The following PSPC1 variants were observed in gnomAD, a reference collection of about 807,000 sequenced individuals.
PSPC1 encodes paraspeckle protein 1.
In PSPC1, 14 loss-of-function variants were observed where a neutral mutation model predicts 51.6. That is an observed-to-expected ratio of 0.27 (90% CI 0.18 to 0.42). The LOEUF is 0.42. Among genes scored for constraint, PSPC1 ranks in the 10% least tolerant of loss-of-function variants. PSPC1 has a pLI of 1.00. For synonymous variants in PSPC1, 193 were observed against 231.9 expected, an observed-to-expected ratio of 0.83 and a Z score of 1.53; for missense variants, 406 against 701.1, an observed-to-expected ratio of 0.58 and a Z score of 4.75.
At chr13:19,722,748 C>T (rs577878221) in intron 6 of PSPC1, among the ~76,000 whole-genome samples, 6 of 151,988 alleles carry the variant, frequency 3.9e-5, no homozygotes, top group Non-Finnish European at 8.8e-5. Flanking sequence ...GAGCTGAGAT[C>T]GCGCCACTGT....
intron 5 of PSPC1, among the ~76,000 whole-genome samples, chr13:19,737,429 G>C (rs1566011948): frequency 6.6e-6 from 1 of 152,092 alleles, no homozygotes; most frequent in Non-Finnish European, 1.5e-5. Context: ...ATTTGGGTTT[G>C]TTTTTTCTCA....
intron 3 of PSPC1, among the ~76,000 whole-genome samples, chr13:19,756,725 G>A (rs1887113274): frequency 6.6e-6 from 1 of 151,864 alleles, no homozygotes; most frequent in South Asian, 2.1e-4. Flanking sequence ...TCAAACTCCT[G>A]ACCTCGTGAT....
intron 5 of PSPC1, among the ~76,000 whole-genome samples, chr13:19,733,894 G>A (rs1023379640): frequency 3.3e-5 from 5 of 151,832 alleles, no homozygotes; most frequent in African/African-American, 7.3e-5. Context: ...GTGAGACTGC[G>A]GGGAGCCGTG....
At chr13:19,716,931 T>G (rs915234484) in intron 6 of PSPC1, among the ~76,000 whole-genome samples, 1 of 152,124 alleles carries the variant, frequency 6.6e-6, no homozygotes, top group Non-Finnish European at 1.5e-5. Context: ...GGCTCACTCC[T>G]GTAACCTCAG....
chr13:19,755,280 C>T (rs572888124), intron 3 of PSPC1, among the ~76,000 whole-genome samples: 3 of 151,592 alleles, frequency 2.0e-5, no homozygotes, highest in Admixed American at 1.3e-4. Context: ...AATAGCATTG[C>T]AAAGGAAATA....
At position 19,752,586 on chromosome 13, in the gene PSPC1, ATTTAT is replaced by A. The variant is rs1886669380; in HGVS notation, c.771-1124_771-1120del. On this transcript the variant is annotated intron_variant, in intron 3 of 8. Transcript: ENST00000338910. ...CAATTTTTTTTTCACTTTTTTATTTATTTATTTATTTATTTTTGAGACACAGTCTC... is the reference window on the plus strand; with the variant it reads ...CAATTTTTTTTTCACTTTTTTATTTATTATTTATTTTTGAGACACAGTCTC... 2.0e-5 allele frequency among the ~76,000 whole-genome samples: 3 copies of A among 150,290 alleles called. No individual in the cohort carries two copies. In the South Asian group the frequency reaches 6.4e-4, roughly 32 times the overall value.
intron 3 of PSPC1, among the ~76,000 whole-genome samples, chr13:19,755,859 T>G (rs1404476445): frequency 5.3e-5 from 8 of 152,188 alleles, no homozygotes; most frequent in African/African-American, 1.2e-4. Flanking sequence ...TAAATCCTAG[T>G]TATAAATCCA....
At chr13:19,722,140 T>G (rs192283184) in intron 6 of PSPC1, among the ~76,000 whole-genome samples, 34 of 152,284 alleles carry the variant, frequency 2.2e-4, no homozygotes, top group Admixed American at 1.9e-3. Context: ...ACACAATTAG[T>G]AGACAACAAA....
At chr13:19,686,425 A>T (rs1877887618) in intron 6 of PSPC1, among the ~76,000 whole-genome samples, 1 of 152,214 alleles carries the variant, frequency 6.6e-6, no homozygotes. Context: ...AAGAAGGTCT[A>T]AAAGGCCTTC....
intron 7 of PSPC1, among the ~76,000 whole-genome samples, chr13:19,676,306 T>C (rs906050895): frequency 1.3e-5 from 2 of 152,184 alleles, no homozygotes; most frequent in African/African-American, 4.8e-5. Flanking sequence ...ATCCTCAAAA[T>C]TTCTGTTGCA....
chr13:19,671,639 A>T (rs1876134348), downstream of PSPC1, among the ~76,000 whole-genome samples: 1 of 152,220 alleles, frequency 6.6e-6, no homozygotes, highest in Non-Finnish European at 1.5e-5. Flanking sequence ...CTCTAATAAA[A>T]CAGTAATATA....
chr13:19,744,530 G>A (rs1453121264), intron 4 of PSPC1, among the ~76,000 whole-genome samples: 1 of 151,976 alleles, frequency 6.6e-6, no homozygotes, highest in African/African-American at 2.4e-5. Context: ...GGAAAAAACT[G>A]TAAAAAGTAC....
chr13:19,754,244 C>A (rs1886851157), intron 3 of PSPC1, among the ~76,000 whole-genome samples: 1 of 151,788 alleles, frequency 6.6e-6, no homozygotes, highest in Non-Finnish European at 1.5e-5. Context: ...GCCACCACAC[C>A]CAGCTAATTT....
chr13:19,782,214 G>C lies in PSPC1; in HGVS notation c.372+172C>G, dbSNP rs1389466115. ...CGGGACCGTGAACTCGAAACCAAAG[G>C]CGCCGAGCTGGGGAAGCGGCCAACC... On this transcript the variant is annotated intron_variant, in intron 1 of 8. Transcript: ENST00000338910. The surrounding 1 kb of genome is among the most constrained non-coding windows in gnomAD (Gnocchi z 4.5). 6.6e-6 allele frequency among the ~76,000 whole-genome samples: 1 copy of C among 152,234 alleles called. No individual in the cohort carries two copies. Among genetic ancestry groups the C allele is most frequent in the Non-Finnish European group, 1.5e-5 (1 of 68,034 alleles).
At chr13:19,769,066 G>A (rs1159860232) in intron 2 of PSPC1, among the ~76,000 whole-genome samples, 1 of 150,742 alleles carries the variant, frequency 6.6e-6, no homozygotes, top group Non-Finnish European at 1.5e-5. Context: ...CTTGAACTCG[G>A]GAGGCAGAGG....
intron 6 of PSPC1, among the ~76,000 whole-genome samples, chr13:19,721,382 G>T (rs1882747512): frequency 6.6e-6 from 1 of 151,976 alleles, no homozygotes; most frequent in South Asian, 2.1e-4. Context: ...CCTCTTCTCC[G>T]ATTGCTCAAA....
At chr13:19,745,923 ACTGTT>A (rs1885926456) in intron 4 of PSPC1, among the ~76,000 whole-genome samples, 1 of 151,860 alleles carries the variant, frequency 6.6e-6, no homozygotes, top group East Asian at 1.9e-4. Context: ...TTCAGGCATG[ACTGTT>A]CTGTTCTTCA....
chr13:19,765,554 G>A lies in PSPC1; in HGVS notation c.675-6136C>T, dbSNP rs528486559. Reference sequence around the variant, plus strand: ...TCACGACGTTGCTCAGGCTAGTCTCGAACTCCCGGGCTCAAGCAAACCTCA... The same window carrying A: ...TCACGACGTTGCTCAGGCTAGTCTCAAACTCCCGGGCTCAAGCAAACCTCA... On this transcript the variant is annotated intron_variant, in intron 2 of 8. Coordinates refer to ENST00000338910, the MANE Select transcript of PSPC1 (RefSeq NM_001354909.2). Among the ~76,000 whole-genome samples the A allele has an allele frequency of 9.7e-5, 14 of 145,054 alleles. No homozygotes were observed. The South Asian group carries it at 2.1e-3, about 22-fold the overall frequency.
chr13:19,747,784 G>A (rs1239439870), intron 4 of PSPC1, among the ~76,000 whole-genome samples: 1 of 152,104 alleles, frequency 6.6e-6, no homozygotes, highest in Non-Finnish European at 1.5e-5. Flanking sequence ...AGTAAATAGG[G>A]GGACAATTTT....
Sources: gnomAD v4.1 joint callset for allele counts (sites outside exome capture counted in the v4.1 genomes callset) on GRCh38, gnomAD v4.1.1 for gene constraint, Gnocchi (gnomAD v3.1) non-coding constraint, MANE v1.5 for transcripts, NCBI Gene and HGNC (gene_info 2026-07-23, HGNC 2026-07-21) for gene names.